The following PARD3B variants were observed in gnomAD, a reference collection of about 807,000 sequenced individuals.
The protein encoded by PARD3B is par-3 family cell polarity regulator beta, also known as partitioning defective 3 homolog B.
PARD3B carries 103 observed loss-of-function variants against 130.2 expected under a neutral mutation model. That is an observed-to-expected ratio of 0.79 (90% CI 0.67 to 0.93). The LOEUF is 0.93. Ranked by LOEUF, PARD3B falls within the 40% of genes least tolerant of loss-of-function variation. The pLI is 0.00. For synonymous variants in PARD3B, 583 were observed against 553.2 expected, an observed-to-expected ratio of 1.05 and a Z score of -0.76; for missense variants, 1,609 against 1,499.2, an observed-to-expected ratio of 1.07 and a Z score of -1.21.
chr2:205,420,772 T>G (rs552432993), intron 19 of PARD3B, among the ~76,000 whole-genome samples: 1 of 152,334 alleles, frequency 6.6e-6, no homozygotes, highest in Admixed American at 6.5e-5. Context: ...CTTGTATTAT[T>G]TGCAAGCAGG....
intron 15 of PARD3B, among the ~76,000 whole-genome samples, chr2:205,216,673 G>A (rs1366150673): frequency 6.6e-6 from 1 of 152,106 alleles, no homozygotes; most frequent in Non-Finnish European, 1.5e-5. Context: ...CACCTGGAAA[G>A]ACAAATAAGA....
At chr2:205,532,584 TA>T (rs1299254111) in intron 21 of PARD3B, among the ~76,000 whole-genome samples, 7 of 152,210 alleles carry the variant, frequency 4.6e-5, no homozygotes, top group African/African-American at 1.7e-4. Context: ...AACATTTGGC[TA>T]GTGATGCAAT....
At chr2:204,805,156 G>A (rs886074893) in intron 2 of PARD3B, among the ~76,000 whole-genome samples, 10 of 151,982 alleles carry the variant, frequency 6.6e-5, no homozygotes, top group Non-Finnish European at 1.3e-4. Context: ...TTGGTTTTTT[G>A]AAAAGATAAA....
chr2:204,905,268 G>T (rs540030310), intron 2 of PARD3B, among the ~76,000 whole-genome samples: 1 of 152,274 alleles, frequency 6.6e-6, no homozygotes, highest in African/African-American at 2.4e-5. Flanking sequence ...GATGTTATCA[G>T]CAGGAGTTAC....
At chr2:204,588,913 C>T (rs933821088) in intron 1 of PARD3B, among the ~76,000 whole-genome samples, 55 of 152,138 alleles carry the variant, frequency 3.6e-4, no homozygotes, top group Admixed American at 1.0e-3. Flanking sequence ...CCTCAACATC[C>T]CTCCTAAAAT....
At chr2:205,103,595 T>G (rs1027831604) in intron 4 of PARD3B, 18 of 522,858 alleles carry the variant, frequency 3.4e-5, no homozygotes, top group African/African-American at 3.3e-4. Flanking sequence ...GGTTTGTTGC[T>G]TTGATGAAAC....
At chr2:204,562,105 A>G (rs1046640402) in intron 1 of PARD3B, among the ~76,000 whole-genome samples, 5 of 150,116 alleles carry the variant, frequency 3.3e-5, no homozygotes, top group African/African-American at 1.3e-4. Context: ...GCCTGAAACA[A>G]AAGTTTCAGG....
At chr2:205,399,826 G>A (rs2046183360) in intron 18 of PARD3B, among the ~76,000 whole-genome samples, 1 of 152,128 alleles carries the variant, frequency 6.6e-6, no homozygotes, top group Non-Finnish European at 1.5e-5. Flanking sequence ...CCCTTTCTGG[G>A]GAATTGTATT....
chr2:205,312,360 A>G (rs570194736), intron 18 of PARD3B, among the ~76,000 whole-genome samples: 11 of 152,360 alleles, frequency 7.2e-5, no homozygotes, highest in Non-Finnish European at 1.5e-4. Context: ...GAAATTTCAG[A>G]TGAAAAATGA....
chr2:205,117,495 A>G (rs2029965989), intron 6 of PARD3B, among the ~76,000 whole-genome samples: 2 of 152,210 alleles, frequency 1.3e-5, no homozygotes, highest in East Asian at 1.9e-4. Context: ...ACAGAGGTTC[A>G]ACTCCGTGGC....
intron 21 of PARD3B, among the ~76,000 whole-genome samples, chr2:205,509,208 T>C (rs753131722): frequency 2.6e-5 from 4 of 152,086 alleles, no homozygotes; most frequent in Non-Finnish European, 5.9e-5. Flanking sequence ...GAACTAGGAA[T>C]TGATTTTTCC....
chr2:204,686,918 AC>A (rs2037112295), intron 2 of PARD3B, among the ~76,000 whole-genome samples: 1 of 152,166 alleles, frequency 6.6e-6, no homozygotes, highest in Non-Finnish European at 1.5e-5. Context: ...TGCAATACAC[AC>A]GATTATTGCT....
intron 1 of PARD3B, among the ~76,000 whole-genome samples, chr2:204,612,704 T>G (rs2033972571): frequency 1.3e-5 from 2 of 152,178 alleles, no homozygotes; most frequent in Admixed American, 1.3e-4. Flanking sequence ...TAAAACTGCA[T>G]GTATTACAAG....
At position 205,493,547 on chromosome 2, in the gene PARD3B, A is replaced by C. The variant is rs867671003; in HGVS notation, c.3045-6349A>C. Among the ~76,000 whole-genome samples, 36 of 152,146 alleles carry C rather than the reference A, an allele frequency of 2.4e-4. 1 individual carries two copies. The highest frequency in any genetic ancestry group is 8.7e-4 in the African/African-American group (36 of 41,514). ...TTTATAGTAACTTCATAAAAAATTA[A>C]AGACTCTGTAAAACACTAAACTCAA... On this transcript the variant is annotated intron_variant, in intron 20 of 22. Coordinates refer to ENST00000406610, the MANE Select transcript of PARD3B (RefSeq NM_001302769.2).
At chr2:204,842,687 G>T (rs1575114829) in intron 2 of PARD3B, among the ~76,000 whole-genome samples, 2 of 152,158 alleles carry the variant, frequency 1.3e-5, no homozygotes, top group Admixed American at 1.3e-4. Flanking sequence ...GTCTGGAAAA[G>T]ATGATTTTGA....
intron 20 of PARD3B, among the ~76,000 whole-genome samples, chr2:205,466,957 C>T (rs2048646710): frequency 1.3e-5 from 2 of 152,216 alleles, no homozygotes; most frequent in African/African-American, 4.8e-5. Context: ...AGGTGATCCG[C>T]CCACCTTGGC....
At chr2:204,746,054 A>G (rs2040212183) in intron 2 of PARD3B, among the ~76,000 whole-genome samples, 1 of 150,688 alleles carries the variant, frequency 6.6e-6, no homozygotes, top group South Asian at 2.1e-4. Flanking sequence ...ATATGTATAC[A>G]TGTGCCATGT....
At chr2:204,718,167 T>C (rs2038824542) in intron 2 of PARD3B, among the ~76,000 whole-genome samples, 1 of 152,096 alleles carries the variant, frequency 6.6e-6, no homozygotes, top group South Asian at 2.1e-4. Context: ...TCTTTTTTTT[T>C]CTATTTCTTT....
intron 7 of PARD3B, among the ~76,000 whole-genome samples, chr2:205,120,219 G>A (rs2030516281): frequency 6.6e-6 from 1 of 152,008 alleles, no homozygotes; most frequent in African/African-American, 2.4e-5. Context: ...TTTTTCACAA[G>A]GACTTGATAA....
Sources: gnomAD v4.1 joint callset for allele counts (sites outside exome capture counted in the v4.1 genomes callset) on GRCh38, gnomAD v4.1.1 for gene constraint, MANE v1.5 for transcripts, NCBI Gene and HGNC (gene_info 2026-07-23, HGNC 2026-07-21) for gene names.